PCDHA7: variants seen among roughly 807,000 people sequenced by gnomAD.
The protein encoded by PCDHA7 is protocadherin alpha-7.
Under a neutral mutation model 57.2 loss-of-function variants are expected in PCDHA7, and 37 were observed. The observed-to-expected ratio is 0.65, with a 90% CI of 0.50 to 0.85. The LOEUF (loss-of-function observed/expected upper bound fraction) is 0.85. PCDHA7 is among the 40% of genes least tolerant of loss of function. The pLI, the probability that PCDHA7 is intolerant of heterozygous loss-of-function variation, is 0.00. For missense variants in PCDHA7, 1,188 were observed against 1,241.8 expected (o/e 0.96, Z 0.65); for synonymous variants, 553 against 558.8 (o/e 0.99, Z 0.15).
At chr5:141,003,221 G>A (rs2098116088) in intron 3 of PCDHA7, among the ~76,000 whole-genome samples, 1 of 152,206 alleles carries the variant, frequency 6.6e-6, no homozygotes, top group Admixed American at 6.5e-5. Flanking sequence ...GCATGAAAGA[G>A]GAAAGCTGGA....
chr5:140,966,726 C>T, intron 1 of PCDHA7: 3 of 1,402,206 alleles, frequency 2.1e-6, no homozygotes, highest in Non-Finnish European at 1.8e-6. Flanking sequence ...GAAGCTGCCG[C>T]CTCCGGCCCT....
At chr5:140,847,907 G>GT (rs1781241234) in intron 1 of PCDHA7, 1 of 149,326 alleles carries the variant, frequency 6.7e-6, no homozygotes, top group Non-Finnish European at 1.5e-5. Context: ...TAGATTTCTG[G>GT]GCTCCTATAT....
At chr5:140,862,494 G>A (rs1008951764) in intron 1 of PCDHA7, 2 of 389,834 alleles carry the variant, frequency 5.1e-6, no homozygotes, top group South Asian at 2.0e-5. Context: ...GTAATCGCTC[G>A]GAATGGGGAC....
chr5:140,927,340 G>C, intron 1 of PCDHA7: 1 of 1,614,030 alleles, frequency 6.2e-7, no homozygotes, highest in Non-Finnish European at 8.5e-7. Flanking sequence ...GAATGCCCAA[G>C]ATGACGACGA....
chr5:140,838,120 G>T (rs1045969296), intron 1 of PCDHA7, among the ~76,000 whole-genome samples: 1 of 146,176 alleles, frequency 6.8e-6, no homozygotes, highest in Non-Finnish European at 1.5e-5. Flanking sequence ...GTGTGTGTGT[G>T]TGTGTGTGTG....
intron 1 of PCDHA7, chr5:140,855,906 C>G (rs1442009275): frequency 3.5e-6 from 4 of 1,137,256 alleles, no homozygotes; most frequent in Non-Finnish European, 3.7e-6. Context: ...CAGCCAGTTT[C>G]TCAAGGACTA....
intron 2 of PCDHA7, among the ~76,000 whole-genome samples, chr5:140,981,353 C>G (rs551731316): frequency 6.6e-6 from 1 of 152,048 alleles, no homozygotes; most frequent in East Asian, 1.9e-4. Context: ...GCAGGTGGAT[C>G]ACTTGAGGTC....
intron 3 of PCDHA7, among the ~76,000 whole-genome samples, chr5:140,999,088 G>A (rs1429141341): frequency 1.3e-5 from 2 of 152,274 alleles, no homozygotes; most frequent in African/African-American, 4.8e-5. Flanking sequence ...TCCTTCAGAG[G>A]GCTATGGAGA....
chr5:141,003,057 TCCA>T (rs2098109750), intron 3 of PCDHA7, among the ~76,000 whole-genome samples: 1 of 152,194 alleles, frequency 6.6e-6, no homozygotes, highest in African/African-American at 2.4e-5. Context: ...ACAGAACAGT[TCCA>T]AATGCAGATG....
chr5:140,987,892 A>C (rs1383983251), intron 3 of PCDHA7, among the ~76,000 whole-genome samples: 1 of 152,094 alleles, frequency 6.6e-6, no homozygotes, highest in Non-Finnish European at 1.5e-5. Flanking sequence ...TATGTGCCCT[A>C]GTTTTATATG....
In PCDHA7 at chr5:140,895,957, C is replaced by G. The variant is rs186458993; in HGVS notation, c.2355+59219C>G. Among the ~76,000 whole-genome samples, 2 of 152,196 alleles carry G rather than the reference C, an allele frequency of 1.3e-5. 1 individual carries two copies. Among genetic ancestry groups the G allele is most frequent in the Admixed American group, 1.3e-4 (2 of 15,284 alleles). On this transcript the variant is annotated intron_variant, in intron 1 of 3. Transcript: ENST00000525929. Reference sequence around the variant, plus strand: ...TCCCGAGTAGCTGGGATTACAGGTGCCTGTCACCAGGCCTAGCTAATTTTT... The same window carrying G: ...TCCCGAGTAGCTGGGATTACAGGTGGCTGTCACCAGGCCTAGCTAATTTTT...
At chr5:140,883,471 C>G (rs781812025) in intron 1 of PCDHA7, 4 of 1,614,182 alleles carry the variant, frequency 2.5e-6, no homozygotes, top group Non-Finnish European at 3.4e-6. Flanking sequence ...TGTCCACCTA[C>G]AAGAACTACT....
At chr5:140,949,453 A>T (rs1284957540) in intron 1 of PCDHA7, among the ~76,000 whole-genome samples, 4 of 151,762 alleles carry the variant, frequency 2.6e-5, no homozygotes, top group African/African-American at 9.7e-5. Flanking sequence ...TGCTTCATGT[A>T]ATTTGAAGCC....
At chr5:140,956,190 T>A (rs1441772845) in intron 1 of PCDHA7, among the ~76,000 whole-genome samples, 1 of 152,208 alleles carries the variant, frequency 6.6e-6, no homozygotes, top group Non-Finnish European at 1.5e-5. Flanking sequence ...CTATGCTGAA[T>A]AGGAGTGGTG....
intron 1 of PCDHA7, among the ~76,000 whole-genome samples, chr5:140,893,588 A>G (rs2064072698): frequency 6.6e-6 from 1 of 152,212 alleles, no homozygotes; most frequent in South Asian, 2.1e-4. Flanking sequence ...TTGTTTGGGA[A>G]ATACTTTATT....
Position 140,962,743 on chromosome 5 carries a change from A to T in PCDHA7, c.2356-16206A>T, listed in dbSNP as rs1298793627. 2.0e-5 allele frequency among the ~76,000 whole-genome samples: 3 copies of T among 152,324 alleles called. No individual in the cohort carries two copies. The East Asian group carries it at 5.8e-4, about 29-fold the overall frequency. On this transcript the variant is annotated intron_variant, in intron 1 of 3. Coordinates refer to ENST00000525929, the MANE Select transcript of PCDHA7 (RefSeq NM_018910.3). Reference sequence around the variant, plus strand: ...ATTTTCCTTCTGGGGATGCATGAAGATCAGGAATCCTATTCGTTTTTAACA... The same window carrying T: ...ATTTTCCTTCTGGGGATGCATGAAGTTCAGGAATCCTATTCGTTTTTAACA...
chr5:140,841,405 C>T (rs2150314710), intron 1 of PCDHA7: 41 of 1,612,992 alleles, frequency 2.5e-5, no homozygotes, highest in Non-Finnish European at 3.4e-5. Flanking sequence ...AGGTGGGGAG[C>T]GGCCAGCTCC....
chr5:140,923,343 T>C (rs1251719779), intron 1 of PCDHA7, among the ~76,000 whole-genome samples: 1 of 152,122 alleles, frequency 6.6e-6, no homozygotes, highest in African/African-American at 2.4e-5. Flanking sequence ...TTGGGCAACA[T>C]AGTGGGACCC....
chr5:140,972,660 A>ATTTT (rs11350929), intron 1 of PCDHA7, among the ~76,000 whole-genome samples: 3 of 117,268 alleles, frequency 2.6e-5, no homozygotes, highest in Admixed American at 9.2e-5. Context: ...AAGAAACCAA[A>ATTTT]TTTTTTTTTT....
Sources: allele counts gnomAD v4.1 joint callset (sites outside exome capture counted in the v4.1 genomes callset), GRCh38; gene constraint gnomAD v4.1.1; transcripts MANE v1.5; gene names NCBI Gene and HGNC (gene_info 2026-07-23, HGNC 2026-07-21).